Variants in ELAVL4 observed in about 807,000 individuals in gnomAD.
ELAVL4 encodes the protein ELAV-like protein 4.
Under a neutral mutation model 35.6 loss-of-function variants are expected in ELAVL4, and 1 was observed. The ratio of observed to expected loss-of-function variants is 0.03; its 90% CI spans 0.01 to 0.13. The LOEUF (loss-of-function observed/expected upper bound fraction) is 0.13. Ranked by LOEUF, ELAVL4 falls within the 10% of genes least tolerant of loss-of-function variation. The pLI is 1.00. For missense variants in ELAVL4, 267 were observed against 464.9 expected, an observed-to-expected ratio of 0.57 and a Z score of 3.91; for synonymous variants, 156 against 171.0, an observed-to-expected ratio of 0.91 and a Z score of 0.69.
In ELAVL4 at chr1:50,061,039, C is replaced by T. The variant is rs189583570; in HGVS notation, c.18+12857C>T. Among the ~76,000 whole-genome samples, 554 of 152,276 alleles carry T rather than the reference C, an allele frequency of 3.6e-3. 8 individuals carry two copies. The highest frequency in any genetic ancestry group is 1.1e-3 in the Non-Finnish European group (72 of 68,032). ...AAATGCAGAACAAACCTCAATATTC[C>T]GTGATACCTCTTGAGATTGTAATAT... On this transcript the variant is annotated intron_variant, in intron 1 of 6. Transcript: ENST00000448907.
At chr1:50,082,995 C>T (rs1665078993) in intron 1 of ELAVL4, among the ~76,000 whole-genome samples, 1 of 152,072 alleles carries the variant, frequency 6.6e-6, no homozygotes, top group South Asian at 2.1e-4. Flanking sequence ...GGATTTTGAC[C>T]TTTTTGATAG....
intron 1 of ELAVL4, among the ~76,000 whole-genome samples, chr1:50,070,050 C>T (rs746444140): frequency 6.6e-6 from 1 of 152,168 alleles, no homozygotes; most frequent in Non-Finnish European, 1.5e-5. Flanking sequence ...CAGGGAATAG[C>T]TAGACTAGCA....
intron 4 of ELAVL4, among the ~76,000 whole-genome samples, chr1:50,195,071 TGTTA>T (rs143357328): frequency 0.88 from 133,071 of 151,874 alleles, 60,125 homozygotes; most frequent in East Asian, 1. Flanking sequence ...TTTGTTTGTT[TGTTA>T]TTCATTTTAG....
At chr1:50,060,471 C>T (rs1663902067) in intron 1 of ELAVL4, among the ~76,000 whole-genome samples, 1 of 152,168 alleles carries the variant, frequency 6.6e-6, no homozygotes, top group African/African-American at 2.4e-5. Flanking sequence ...TGCTTTGCAG[C>T]TAAGTCATAG....
chr1:50,112,796 G>A lies in ELAVL4; in HGVS notation c.9+3598G>A, dbSNP rs376791796. 1.6e-3 allele frequency among the ~76,000 whole-genome samples: 250 copies of A among 152,144 alleles called. 2 individuals carry two copies. Among genetic ancestry groups the A allele is most frequent in the African/African-American group, 5.7e-3 (235 of 41,534 alleles). On this transcript the variant is annotated intron_variant, in intron 1 of 6. Coordinates refer to ENST00000371824, the MANE Select transcript of ELAVL4 (RefSeq NM_001144774.3). ...ATTCAAGTCATTCTCCTGGCCAGAT[G>A]TAGATGGCCTTGCTTCTGTTTGATG...
intron 1 of ELAVL4, among the ~76,000 whole-genome samples, chr1:50,053,561 G>A (rs1333876710): frequency 2.0e-5 from 3 of 152,066 alleles, no homozygotes; most frequent in Admixed American, 2.0e-4. Flanking sequence ...TGTTGCCCAG[G>A]CTATTCTCAA....
At chr1:50,109,923 A>T in intron 1 of ELAVL4, 1 of 1,612,296 alleles carries the variant, frequency 6.2e-7, no homozygotes, top group South Asian at 1.1e-5. Context: ...GTGAGGGTCC[A>T]TCTTCTTCTG....
At chr1:50,138,928 T>G (rs144102710) in intron 1 of ELAVL4, among the ~76,000 whole-genome samples, 2 of 152,214 alleles carry the variant, frequency 1.3e-5, no homozygotes, top group Non-Finnish European at 2.9e-5. Flanking sequence ...CAAAGCAATA[T>G]GAAGGTACTT....
intron 3 of ELAVL4, among the ~76,000 whole-genome samples, chr1:50,186,901 A>G (rs1681915364): frequency 6.6e-6 from 1 of 152,200 alleles, no homozygotes; most frequent in Admixed American, 6.5e-5. Flanking sequence ...ACATAAGCAG[A>G]TGCCTGTCCT....
chr1:50,132,173 A>G (rs1326868852), intron 1 of ELAVL4, among the ~76,000 whole-genome samples: 3 of 152,162 alleles, frequency 2.0e-5, no homozygotes, highest in Non-Finnish European at 4.4e-5. Context: ...AGGATGTTCA[A>G]ATGCAAGAAA....
At chr1:50,138,713 A>G (rs1240316269) in intron 1 of ELAVL4, among the ~76,000 whole-genome samples, 1 of 151,884 alleles carries the variant, frequency 6.6e-6, no homozygotes, top group Non-Finnish European at 1.5e-5. Context: ...TGATCCTCCC[A>G]CCTTGGCCTC....
chr1:50,133,661 GA>G (rs1361234077), intron 1 of ELAVL4, among the ~76,000 whole-genome samples: 1 of 146,004 alleles, frequency 6.8e-6, no homozygotes, highest in Non-Finnish European at 1.5e-5. Context: ...GAGAAAGAAA[GA>G]AAGAAAGAAA....
chr1:50,125,840 G>A (rs374520417), intron 1 of ELAVL4, among the ~76,000 whole-genome samples: 2 of 151,980 alleles, frequency 1.3e-5, no homozygotes. Context: ...CTGGTTAAGG[G>A]CATCTTAGGA....
rs1231539470 is a variant in ELAVL4 at position 50,195,572 on chromosome 1, G to A, written c.520G>A (p.Gly174Arg). The A allele has an allele frequency of 1.2e-6, 2 of 1,614,136 alleles. No homozygotes were observed. Among genetic ancestry groups the A allele is most frequent in the African/African-American group, 2.7e-5 (2 of 75,048 alleles). The stretch of plus-strand genomic sequence containing the variant: ...TTCTCTTTCCCCAGGAGTGTCCAGA[G>A]GGGTGGGATTCATCCGCTTTGATAA... Reference protein sequence around the residue: ...LVDQVTGVSRGVGFIRFDKRI... With the variant: ...LVDQVTGVSRRVGFIRFDKRI... The change falls in exon 5 of 7, where the codon GGG becomes AGG. Residue 174 changes from glycine (G) to arginine (R), a missense_variant. Transcript: ENST00000371824.
At chr1:50,112,261 A>G (rs1180875086) in intron 1 of ELAVL4, among the ~76,000 whole-genome samples, 1 of 152,092 alleles carries the variant, frequency 6.6e-6, no homozygotes, top group Non-Finnish European at 1.5e-5. Flanking sequence ...GAATTTTTTT[A>G]AGTCTCCAAT....
At chr1:50,174,141 T>G (rs903189604) in intron 2 of ELAVL4, among the ~76,000 whole-genome samples, 1 of 152,208 alleles carries the variant, frequency 6.6e-6, no homozygotes, top group African/African-American at 2.4e-5. Context: ...GAAGTAAAGC[T>G]TGGGTTTTTT....
At chr1:50,051,027 A>G (rs536421811) in intron 1 of ELAVL4, among the ~76,000 whole-genome samples, 4 of 152,276 alleles carry the variant, frequency 2.6e-5, no homozygotes, top group South Asian at 2.1e-4. Context: ...TATCGTAAAT[A>G]TGCTGTTAAA....
At chr1:50,114,679 T>A (rs1454323684) in intron 1 of ELAVL4, among the ~76,000 whole-genome samples, 2 of 152,150 alleles carry the variant, frequency 1.3e-5, no homozygotes, top group African/African-American at 2.4e-5. Context: ...ACCTTGACTT[T>A]GCAGGTCCAT....
chr1:50,162,307 A>G (rs1428827704), intron 2 of ELAVL4, among the ~76,000 whole-genome samples: 1 of 152,216 alleles, frequency 6.6e-6, no homozygotes, highest in Non-Finnish European at 1.5e-5. Context: ...TCTACTATGT[A>G]CCAGACATTG....
Sources: allele counts gnomAD v4.1 joint callset (sites outside exome capture counted in the v4.1 genomes callset), GRCh38; gene constraint gnomAD v4.1.1; transcripts MANE v1.5; gene names NCBI Gene and HGNC (gene_info 2026-07-23, HGNC 2026-07-21).